PDE8A: variants seen among roughly 807,000 people sequenced by gnomAD.
The protein encoded by PDE8A is phosphodiesterase 8A, also known as high affinity cAMP-specific and IBMX-insensitive 3',5'-cyclic phosphodiesterase 8A.
Under a neutral mutation model 105.0 loss-of-function variants are expected in PDE8A, and 59 were observed. The observed-to-expected ratio is 0.56, with a 90% CI of 0.46 to 0.70. PDE8A has a LOEUF of 0.70. Ranked by LOEUF, PDE8A falls within the 30% of genes least tolerant of loss-of-function variation. The probability of loss-of-function intolerance (pLI) is 0.00; values close to 1 mark genes in which losing one functional copy is unlikely to be tolerated. For missense variants in PDE8A, 1,014 were observed against 1,045.9 expected (o/e 0.97, Z 0.42); for synonymous variants, 355 against 371.9 (o/e 0.95, Z 0.52).
At chr15:85,048,198 C>T (rs2080917079) in intron 1 of PDE8A, among the ~76,000 whole-genome samples, 1 of 151,904 alleles carries the variant, frequency 6.6e-6, no homozygotes, top group Admixed American at 6.6e-5. Flanking sequence ...TTTTTGTTGT[C>T]GCTTAAACTT....
In PDE8A at chr15:85,115,987, C is replaced by G; in HGVS notation, c.1403C>G (p.Thr468Ser). 1.2e-6 allele frequency: 2 copies of G among 1,612,184 alleles called. No individual in the cohort carries two copies. Among genetic ancestry groups the G allele is most frequent in the Non-Finnish European group, 1.7e-6 (2 of 1,178,386 alleles). The change falls in exon 16 of 22, where the codon ACT becomes AGT. Residue 468 changes from threonine (T) to serine (S), a missense_variant. Physicochemically the swap from Thr to Ser is moderately conservative, Grantham distance 58 (BLOSUM62 1). Transcript: ENST00000394553. Reference protein sequence around the residue: ...GNEYVLSTKNTQMVSSNIITP... With the variant: ...GNEYVLSTKNSQMVSSNIITP... ...TCCAAATTACATCACTTTACAGACA[C>G]TCAAATGGTTTCAAGCAATATAATC...
chr15:85,009,435 C>T (rs1472264419), intron 1 of PDE8A, among the ~76,000 whole-genome samples: 1 of 152,156 alleles, frequency 6.6e-6, no homozygotes, highest in East Asian at 1.9e-4. Context: ...ACAGATCCTT[C>T]TTTGTAATGG....
chr15:85,023,399 G>A (rs182391125), intron 1 of PDE8A, among the ~76,000 whole-genome samples: 3 of 152,272 alleles, frequency 2.0e-5, no homozygotes, highest in Non-Finnish European at 2.9e-5. Flanking sequence ...GTTGGTTGGG[G>A]ATGGGGCTTT....
rs777791349 is a variant in PDE8A at position 85,091,066 on chromosome 15, C to T, written c.737C>T (p.Thr246Ile). Residue 246 changes from threonine (T) to isoleucine (I), a missense_variant, in exon 8 of 22, where the codon ACA becomes ATA. Coordinates refer to ENST00000394553, the MANE Select transcript of PDE8A (RefSeq NM_002605.3). ...FIQYANPAFE[T>I]TMGYQSGELI... ...CAGTATGCAAATCCTGCATTTGAAA[C>T]AACAATGGGCTATCAGTCAGGTGAA... 1.9e-6 allele frequency: 3 copies of T among 1,609,292 alleles called. No individual in the cohort carries two copies. Among genetic ancestry groups the T allele is most frequent in the Non-Finnish European group, 2.5e-6 (3 of 1,178,024 alleles).
intron 11 of PDE8A, among the ~76,000 whole-genome samples, chr15:85,101,341 G>A (rs577015662): frequency 2.6e-5 from 4 of 152,226 alleles, no homozygotes; most frequent in Non-Finnish European, 5.9e-5. Flanking sequence ...GCAGTGGGTA[G>A]TCTTCTAGAC....
In PDE8A at chr15:85,095,874, A is replaced by AT. The variant is rs202150429; in HGVS notation, c.853-2066dup. Among the ~76,000 whole-genome samples, 363 of 99,590 alleles carry AT rather than the reference A, an allele frequency of 3.6e-3. 1 individual carries two copies. The highest frequency in any genetic ancestry group is 0.026 in the African/African-American group (280 of 10,656). 65.3% of individuals were successfully genotyped at this position (99,590 alleles called of 152,430 possible). ...GAAGATCCTGAATATATATATATATATTTTTTTTATATATATATTTTTTGT... is the reference window on the plus strand; with the variant it reads ...GAAGATCCTGAATATATATATATATATTTTTTTTTATATATATATTTTTTGT... On this transcript the variant is annotated intron_variant, in intron 8 of 21. Transcript: ENST00000394553.
chr15:85,072,085 G>A (rs1272607734), intron 3 of PDE8A, among the ~76,000 whole-genome samples: 2 of 152,202 alleles, frequency 1.3e-5, no homozygotes, highest in African/African-American at 4.8e-5. Context: ...GCAGAAGCAA[G>A]ATTGAACTCA....
At chr15:85,014,369 A>T (rs1375823760) in intron 1 of PDE8A, among the ~76,000 whole-genome samples, 1 of 152,126 alleles carries the variant, frequency 6.6e-6, no homozygotes, top group Non-Finnish European at 1.5e-5. Context: ...GTGATATTCT[A>T]ATTCTCTCAT....
intron 2 of PDE8A, 51 bp downstream of exon 2, chr15:85,064,477 G>C: frequency 3.4e-6 from 4 of 1,162,472 alleles, no homozygotes; most frequent in Non-Finnish European, 5.1e-6. Context: ...CTTTAAAAAG[G>C]GTGGAGGTGG....
At chr15:85,068,399 G>C (rs935220516) in intron 3 of PDE8A, among the ~76,000 whole-genome samples, 1 of 152,114 alleles carries the variant, frequency 6.6e-6, no homozygotes, top group African/African-American at 2.4e-5. Context: ...ATTCATGGGG[G>C]ATTGCAGCCC....
intron 21 of PDE8A, 79 bp from the exon 22 acceptor site, chr15:85,137,718 C>CTTTAAAATGCTCTTAG: frequency 1.1e-6 from 1 of 921,896 alleles, no homozygotes; most frequent in South Asian, 1.4e-5. Flanking sequence ...ATCTGTCACT[C>CTTTAAAATGCTCTTAG]TTTAAAATGC....
rs576011572 is a variant in PDE8A, at chr15:85,061,440, A to G, written c.187-2930A>G. ...TTTTTAGTAGAGACGGGGTTTCACC[A>G]TGTTGGCCAGGCTGGTTTCGAATTC... On this transcript the variant is annotated intron_variant, in intron 1 of 21. Transcript: ENST00000394553. Among the ~76,000 whole-genome samples, 9 of 151,746 alleles carry G rather than the reference A, an allele frequency of 5.9e-5. No individual in the cohort carries two copies. In the East Asian group the frequency reaches 1.6e-3, roughly 26 times the overall value.
At chr15:85,047,160 A>T (rs1000591854) in intron 1 of PDE8A, among the ~76,000 whole-genome samples, 1 of 152,232 alleles carries the variant, frequency 6.6e-6, no homozygotes, top group African/African-American at 2.4e-5. Flanking sequence ...ATTTGAAATG[A>T]TTATTCCCTT....
chr15:84,993,294 T>A (rs1055824764), intron 1 of PDE8A, among the ~76,000 whole-genome samples: 1 of 151,668 alleles, frequency 6.6e-6, no homozygotes, highest in Non-Finnish European at 1.5e-5. Flanking sequence ...ATACAAAAAA[T>A]TAGCCGGGTG....
intron 1 of PDE8A, among the ~76,000 whole-genome samples, chr15:85,018,249 T>C (rs1377326843): frequency 6.6e-6 from 1 of 152,178 alleles, no homozygotes; most frequent in Non-Finnish European, 1.5e-5. Context: ...GTGGTACTAA[T>C]TAAAATAGTC....
chr15:85,030,560 C>T (rs1032660163), intron 1 of PDE8A, among the ~76,000 whole-genome samples: 1 of 152,176 alleles, frequency 6.6e-6, no homozygotes, highest in African/African-American at 2.4e-5. Flanking sequence ...GGCTGCAGCA[C>T]TGTTAATTGA....
chr15:85,033,338 G>A (rs565702871), intron 1 of PDE8A, among the ~76,000 whole-genome samples: 5 of 152,278 alleles, frequency 3.3e-5, no homozygotes, highest in Admixed American at 1.3e-4. Context: ...GATTGAATGA[G>A]GACTTAGACA....
At chr15:84,983,926 T>G (rs2142135394) in intron 1 of PDE8A, among the ~76,000 whole-genome samples, 1 of 152,366 alleles carries the variant, frequency 6.6e-6, no homozygotes, top group South Asian at 2.1e-4. Context: ...GCAGTGCCGT[T>G]AGGTCCCTGA....
chr15:84,993,340 G>T (rs2079919966), intron 1 of PDE8A, among the ~76,000 whole-genome samples: 1 of 151,142 alleles, frequency 6.6e-6, no homozygotes, highest in Non-Finnish European at 1.5e-5. Flanking sequence ...CTACTTGGGA[G>T]GCTGAGGCAG....
Sources: gnomAD v4.1 joint callset for allele counts (sites outside exome capture counted in the v4.1 genomes callset) on GRCh38, gnomAD v4.1.1 for gene constraint, MANE v1.5 for transcripts, NCBI Gene and HGNC (gene_info 2026-07-23, HGNC 2026-07-21) for gene names.